MMD2: variants seen among roughly 807,000 people sequenced by gnomAD.
MMD2 encodes the protein monocyte to macrophage differentiation factor 2.
Under a neutral mutation model 33.5 loss-of-function variants are expected in MMD2, and 30 were observed. That is an observed-to-expected ratio of 0.90 (90% confidence interval 0.67 to 1.22). MMD2 has a LOEUF of 1.22. MMD2 is among the 50% of genes most tolerant of loss of function. The pLI, the probability that MMD2 is intolerant of heterozygous loss-of-function variation, is 0.00. For missense variants in MMD2, 364 were observed against 325.4 expected (o/e 1.12, Z -0.91); for synonymous variants, 129 against 123.0 (o/e 1.05, Z -0.32).
chr7:4,897,044 G>T, the MMD2 span, among the ~76,000 whole-genome samples: 1 of 151,718 alleles, frequency 6.6e-6, no homozygotes, highest in Non-Finnish European at 1.5e-5. Flanking sequence ...ATTTTTAGTA[G>T]AGACGGGGTT....
At chr7:4,904,331 C>T (rs1443097508), downstream of MMD2, among the ~76,000 whole-genome samples, 1 of 152,174 alleles carries the variant, frequency 6.6e-6, no homozygotes, top group South Asian at 2.1e-4. Context: ...CTTTTCCTTT[C>T]CTGCACTACT....
intron 5 of MMD2, among the ~76,000 whole-genome samples, chr7:4,910,703 G>C (rs904190840): frequency 6.6e-6 from 1 of 151,986 alleles, no homozygotes; most frequent in Admixed American, 6.6e-5. Context: ...CTCTCAGCTT[G>C]CTGCAACCTC....
At chr7:4,897,760 G>GTC in the MMD2 span, among the ~76,000 whole-genome samples, 2 of 77,898 alleles carry the variant, frequency 2.6e-5, no homozygotes, top group African/African-American at 1.7e-4. Flanking sequence ...CTTTTTTTGA[G>GTC]ACAGTCTCAC....
Position 4,946,676 on chromosome 7 carries a change from C to G in MMD2, c.47+12295G>C, listed in dbSNP as rs2115152707. Among the ~76,000 whole-genome samples, 1 of 152,246 alleles carries G rather than the reference C, an allele frequency of 6.6e-6. No homozygotes were observed. Among genetic ancestry groups the G allele is most frequent in the East Asian group, 1.9e-4 (1 of 5,180 alleles). ...CTAGCACCACGGGTGGCAGGTCTAC[C>G]AGATATCTCCCAGTAAGATGAAGTA... On this transcript the variant is annotated intron_variant, in intron 1 of 6. Transcript: ENST00000401401. This position sits in a 1 kb window ranked among gnomAD's most constrained non-coding sequence, Gnocchi z 5.0.
rs148079179 is a variant in MMD2 at position 4,908,769 on chromosome 7, C to T, written c.537+1112G>A. ...ATAATTAGCCGAGAGTGGTGGCACGCGCCTGTAATCCCAGCTACTCAGGAG... is the reference window on the plus strand; with the variant it reads ...ATAATTAGCCGAGAGTGGTGGCACGTGCCTGTAATCCCAGCTACTCAGGAG... On this transcript the variant is annotated intron_variant, in intron 6 of 6. Coordinates refer to ENST00000401401, the MANE Select transcript of MMD2 (RefSeq NM_198403.4). Among the ~76,000 whole-genome samples the T allele has an allele frequency of 6.8e-3, 1,039 of 151,778 alleles. 10 individuals are homozygous for T. Among genetic ancestry groups the T allele is most frequent in the Admixed American group, 0.011 (171 of 15,252 alleles).
chr7:4,907,800 TA>T (rs1396538373), intron 6 of MMD2, among the ~76,000 whole-genome samples: 2 of 152,190 alleles, frequency 1.3e-5, no homozygotes, highest in African/African-American at 4.8e-5. Context: ...TCATTTCTAT[TA>T]AAACTTCACC....
intron 1 of MMD2, among the ~76,000 whole-genome samples, chr7:4,932,850 C>G (rs1488468362): frequency 6.6e-6 from 1 of 151,966 alleles, no homozygotes; most frequent in Non-Finnish European, 1.5e-5. Context: ...GTCTTGAACT[C>G]CTGACCTCAG....
chr7:4,908,680 C>T (rs544791312), intron 6 of MMD2, among the ~76,000 whole-genome samples: 22 of 151,526 alleles, frequency 1.5e-4, no homozygotes, highest in Admixed American at 5.3e-4. Flanking sequence ...GGGCGGATCA[C>T]GAGGTCAGGA....
At chr7:4,902,353 G>A (rs1784805801), downstream of MMD2, among the ~76,000 whole-genome samples, 1 of 152,246 alleles carries the variant, frequency 6.6e-6, no homozygotes, top group African/African-American at 2.4e-5. Flanking sequence ...CTGGCCAAGG[G>A]CAGGAGGCTT....
intron 1 of MMD2, among the ~76,000 whole-genome samples, chr7:4,957,175 T>C (rs11290848): frequency 8.4e-6 from 1 of 119,168 alleles, no homozygotes; most frequent in Non-Finnish European, 1.8e-5. Context: ...AAAAAAAAAA[T>C]ATATATATAT....
intron 1 of MMD2, among the ~76,000 whole-genome samples, chr7:4,950,440 C>T (rs1583402078): frequency 6.6e-6 from 1 of 152,070 alleles, no homozygotes. Context: ...CATCCATCTC[C>T]AGAACTCTTT....
intron 4 of MMD2, among the ~76,000 whole-genome samples, chr7:4,914,071 G>T (rs571252642): frequency 2.4e-4 from 36 of 152,194 alleles, no homozygotes; most frequent in African/African-American, 8.2e-4. Flanking sequence ...CTGCAGCCTT[G>T]ACTTCCTGGG....
downstream of MMD2, among the ~76,000 whole-genome samples, chr7:4,901,430 C>A (rs1457510025): frequency 6.6e-6 from 1 of 151,984 alleles, no homozygotes; most frequent in Non-Finnish European, 1.5e-5. Context: ...GACAGAGAAC[C>A]GATCTCAAAA....
intron 6 of MMD2, among the ~76,000 whole-genome samples, chr7:4,909,511 C>T (rs367666159): frequency 1.4e-4 from 22 of 152,108 alleles, no homozygotes; most frequent in Middle Eastern, 3.4e-3. Flanking sequence ...GGTGCAATCT[C>T]GGCTCACTAC....
downstream of MMD2, among the ~76,000 whole-genome samples, chr7:4,902,521 G>T (rs766836068): frequency 6.6e-6 from 1 of 152,192 alleles, no homozygotes; most frequent in Non-Finnish European, 1.5e-5. Context: ...AATCGGTGAA[G>T]ACAGCATCTA....
the MMD2 span, among the ~76,000 whole-genome samples, chr7:4,896,457 G>C: frequency 6.6e-6 from 1 of 152,200 alleles, no homozygotes; most frequent in Admixed American, 6.5e-5. Context: ...TCCAGCCTGG[G>C]TGACAGAGCG....
chr7:4,897,021 G>A, the MMD2 span, among the ~76,000 whole-genome samples: 7 of 151,760 alleles, frequency 4.6e-5, no homozygotes, highest in South Asian at 2.1e-4. Context: ...AACCACAGCC[G>A]GCTAATTTTT....
chr7:4,934,893 A>C (rs1236990706), intron 1 of MMD2, among the ~76,000 whole-genome samples: 1 of 152,194 alleles, frequency 6.6e-6, no homozygotes, highest in Non-Finnish European at 1.5e-5. Context: ...GTCATAAAGA[A>C]TACGGTTTAA....
the MMD2 span, among the ~76,000 whole-genome samples, chr7:4,895,804 GATTACAGGCGTGA>G: frequency 2.8e-4 from 43 of 152,198 alleles, no homozygotes; most frequent in Admixed American, 2.8e-3. Flanking sequence ...AAAGTGCTGG[GATTACAGGCGTGA>G]ACCACCGCGC....
Sources: gnomAD v4.1 joint callset for allele counts (sites outside exome capture counted in the v4.1 genomes callset) on GRCh38, gnomAD v4.1.1 for gene constraint, Gnocchi (gnomAD v3.1) non-coding constraint, MANE v1.5 for transcripts, NCBI Gene and HGNC (gene_info 2026-07-23, HGNC 2026-07-21) for gene names.